Variants in TMEM131L observed in about 807,000 individuals in gnomAD.
TMEM131L encodes transmembrane 131 like, also known as transmembrane protein 131-like.
TMEM131L carries 54 observed loss-of-function variants against 192.2 expected under a neutral mutation model. The observed-to-expected ratio is 0.28, with a 90% CI of 0.23 to 0.35. TMEM131L has a LOEUF of 0.35. Ranked by LOEUF, TMEM131L falls within the 10% of genes least tolerant of loss-of-function variation. TMEM131L has a pLI of 1.00. For missense variants in TMEM131L, 1,888 were observed against 1,972.9 expected (o/e 0.96, Z 0.82); for synonymous variants, 701 against 704.9 (o/e 0.99, Z 0.09).
intron 7 of TMEM131L, among the ~76,000 whole-genome samples, chr4:153,566,512 AGTGTGAGTGTGTGTGTGT>A (rs899087384): frequency 1.1e-4 from 13 of 113,418 alleles, no homozygotes; most frequent in African/African-American, 4.6e-4. Flanking sequence ...TTTGTGTGTG[AGTGTGAGTGTGTGTGTGT>A]GTGTGTGTGT....
chr4:153,466,529 T>G lies in TMEM131L; in HGVS notation c.124+8T>G. 7.5e-7 allele frequency: 1 copy of G among 1,341,936 alleles called. No individual in the cohort carries two copies. The highest frequency in any genetic ancestry group is 1.9e-5 in the South Asian group (1 of 53,682). The allele number at this position is 1,341,936 out of a possible 1,614,324, so 83.1% of individuals were successfully genotyped here. A position where few individuals can be genotyped will look rare whatever the true frequency, so the allele number is the denominator to read the frequency against. Reference sequence around the variant, plus strand: ...GAGGGGCTCAGGGACAAGGTCAGCCTTGCGCCGCTGGGCTCGCTCTGCCTC... The same window carrying G: ...GAGGGGCTCAGGGACAAGGTCAGCCGTGCGCCGCTGGGCTCGCTCTGCCTC... On this transcript the variant is annotated splice_region_variant and intron_variant, in intron 1 of 34. Coordinates refer to ENST00000409959, the MANE Select transcript of TMEM131L (RefSeq NM_001131007.2).
Position 153,618,476 on chromosome 4 carries a change from CA to C in TMEM131L, c.3568-2262del, listed in dbSNP as rs10669791. Among the ~76,000 whole-genome samples, 710 of 99,410 alleles carry C rather than the reference CA, an allele frequency of 7.1e-3. 4 individuals are homozygous for C. Among genetic ancestry groups the C allele is most frequent in the Middle Eastern group, 0.031 (6 of 194 alleles). The allele number at this position is 99,410 out of a possible 152,430, so 65.2% of individuals were successfully genotyped here. A position where few individuals can be genotyped will look rare whatever the true frequency, so the allele number is the denominator to read the frequency against. The stretch of plus-strand genomic sequence containing the variant: ...GAGCAACAGAGCAAGACCCTGTCTC[CA>C]AAAAAAAAAAAAAAAAACCCACCAA... On this transcript the variant is annotated intron_variant, in intron 26 of 34. Transcript: ENST00000409959.
At chr4:153,492,383 C>T (rs1406479068) in intron 3 of TMEM131L, among the ~76,000 whole-genome samples, 1 of 152,110 alleles carries the variant, frequency 6.6e-6, no homozygotes, top group African/African-American at 2.4e-5. Context: ...TTAGCTAAAC[C>T]TTATCCAAAT....
At position 153,632,747 on chromosome 4, in the gene TMEM131L, A is replaced by G. The variant is rs775941988; in HGVS notation, c.4237A>G (p.Thr1413Ala). The G allele has an allele frequency of 1.1e-4, 177 of 1,613,734 alleles. No individual in the cohort carries two copies. The highest frequency in any genetic ancestry group is 1.5e-4 in the Non-Finnish European group (176 of 1,179,970). Residue 1413 changes from threonine (T) to alanine (A), a missense_variant, in exon 32 of 35, where the codon ACT (threonine) becomes GCT (alanine). By Grantham distance (58) the Thr-to-Ala change is moderately conservative. Coordinates refer to ENST00000409959, the MANE Select transcript of TMEM131L (RefSeq NM_001131007.2). ...TTACTCACCTGGAGACCTGTGGCCC[A>G]CTCCGCCAGTGTGTGTGACAAGCAG... ...GLYSPGDLWPTPPVCVTSSLN... is the reference protein window; with the variant it reads ...GLYSPGDLWPAPPVCVTSSLN...
chr4:153,528,596 T>A (rs902961824), intron 3 of TMEM131L, among the ~76,000 whole-genome samples: 2 of 152,076 alleles, frequency 1.3e-5, no homozygotes, highest in South Asian at 4.1e-4. Context: ...GCATTCTTTT[T>A]AATGTTTTTC....
chr4:153,614,139 T>A lies in TMEM131L; in HGVS notation c.3567+1739T>A, dbSNP rs113651958. ...AGCGGGCAGCACTGAGCCCTGCAGG[T>A]AGAGGAACCATTGAGGCATAATTGG... On this transcript the variant is annotated intron_variant, in intron 26 of 34. Coordinates refer to ENST00000409959, the MANE Select transcript of TMEM131L (RefSeq NM_001131007.2). Among the ~76,000 whole-genome samples the A allele has an allele frequency of 2.2e-4, 34 of 152,144 alleles. No individual in the cohort carries two copies. In the Middle Eastern group the frequency reaches 0.01, roughly 46 times the overall value.
rs1733094762 is a variant in TMEM131L at position 153,495,326 on chromosome 4, A to G, written c.239+21438A>G. On this transcript the variant is annotated intron_variant, in intron 3 of 34. Coordinates refer to ENST00000409959, the MANE Select transcript of TMEM131L (RefSeq NM_001131007.2). ...CAGAGTGAGAATCCGTCTGAAAACA[A>G]AAAAAAAAAACAAGTAAGTTAATTT... Among the ~76,000 whole-genome samples, 6 of 150,530 alleles carry G rather than the reference A, an allele frequency of 4.0e-5. No homozygotes were observed. In the South Asian group the frequency reaches 1.3e-3, roughly 31 times the overall value.
intron 7 of TMEM131L, among the ~76,000 whole-genome samples, chr4:153,560,463 T>G (rs1728776123): frequency 6.6e-6 from 1 of 152,262 alleles, no homozygotes; most frequent in Admixed American, 6.5e-5. Context: ...ATTTTTAAAA[T>G]GTATTTTGTA....
intron 3 of TMEM131L, among the ~76,000 whole-genome samples, chr4:153,545,626 G>A (rs1324710566): frequency 2.0e-5 from 3 of 151,840 alleles, no homozygotes; most frequent in Non-Finnish European, 4.4e-5. Context: ...AAAAAAATGT[G>A]GCCAAAGTTT....
chr4:153,467,088 T>C, intron 1 of TMEM131L, 123 bp from the exon 2 acceptor site: 1 of 960,728 alleles, frequency 1.0e-6, no homozygotes, highest in Non-Finnish European at 1.6e-6. Context: ...ATGGCCTCTG[T>C]TCCCAGGAGG....
In TMEM131L at chr4:153,602,181, A is replaced by G. The variant is rs1409270008; in HGVS notation, c.2296A>G (p.Ile766Val). Reference protein sequence around the residue: ...QLKDSKQILSITKNFKVENIG... With the variant: ...QLKDSKQILSVTKNFKVENIG... ...GAAAGACAGTAAGCAAATTTTATCT[A>G]TTACAAAGAACTTTAAAGTTGAGAA... The change falls in exon 22 of 35, where the codon ATT (isoleucine) becomes GTT (valine). Residue 766 changes from isoleucine to valine, a missense_variant. By Grantham distance (29) the Ile-to-Val change is conservative (BLOSUM62 3). Transcript: ENST00000409959. 5.0e-6 allele frequency: 8 copies of G among 1,603,876 alleles called. No individual in the cohort carries two copies. The highest frequency in any genetic ancestry group is 4.5e-5 in the East Asian group (2 of 44,732).
chr4:153,616,137 A>T (rs758676831), intron 26 of TMEM131L, among the ~76,000 whole-genome samples: 69 of 152,080 alleles, frequency 4.5e-4, no homozygotes, highest in Admixed American at 3.3e-4. Flanking sequence ...TAATGGTGGC[A>T]TTGGGTTCAC....
intron 16 of TMEM131L, 95 bp from the exon 17 acceptor site, chr4:153,590,958 G>A: frequency 5.1e-6 from 4 of 791,030 alleles, no homozygotes; most frequent in Non-Finnish European, 5.3e-6. Context: ...AGTGGGAATA[G>A]TATTTAGTGA....
chr4:153,516,335 T>TGGG (rs1734729410), intron 3 of TMEM131L, among the ~76,000 whole-genome samples: 1 of 152,076 alleles, frequency 6.6e-6, no homozygotes, highest in Non-Finnish European at 1.5e-5. Context: ...GCTCAAGCGA[T>TGGG]CCTCCCACCT....
At chr4:153,603,072 A>T (rs1161442882) in intron 23 of TMEM131L, among the ~76,000 whole-genome samples, 2 of 152,184 alleles carry the variant, frequency 1.3e-5, no homozygotes, top group Admixed American at 6.5e-5. Flanking sequence ...TTTTTGAGTG[A>T]TTTCATAAAA....
At chr4:153,474,947 G>C (rs10004814) in intron 3 of TMEM131L, among the ~76,000 whole-genome samples, 1 of 152,112 alleles carries the variant, frequency 6.6e-6, no homozygotes, top group Non-Finnish European at 1.5e-5. Context: ...CACTCTAAGT[G>C]GTGTATAAGT....
Position 153,588,987 on chromosome 4 carries a change from TA to T in TMEM131L, c.1655del (p.Asn552MetfsTer18). 1 of 1,585,148 alleles carries T rather than the reference TA, an allele frequency of 6.3e-7. No individual in the cohort carries two copies. On this transcript the variant is annotated frameshift_variant, in exon 16 of 35. Transcript: ENST00000409959. LOFTEE classifies it high-confidence loss of function. Reference sequence around the variant, plus strand: ...AATTGTATGAAAGATGGAAGAAATATAAAAATGGTGACGTCTGCAAGTACGT... The same window carrying T: ...AATTGTATGAAAGATGGAAGAAATATAAAATGGTGACGTCTGCAAGTACGT... ...NKLYERWKKY[K>X]NGDVCKRNVL...
At chr4:153,560,082 G>A (rs940600484) in intron 7 of TMEM131L, among the ~76,000 whole-genome samples, 12 of 152,098 alleles carry the variant, frequency 7.9e-5, no homozygotes, top group Non-Finnish European at 1.5e-4. Flanking sequence ...GCTCTTCAGG[G>A]ACTTTTGCGT....
intron 20 of TMEM131L, among the ~76,000 whole-genome samples, chr4:153,596,777 ATC>A (rs1184284026): frequency 6.6e-6 from 1 of 152,160 alleles, no homozygotes; most frequent in African/African-American, 2.4e-5. Flanking sequence ...TATCACTTTC[ATC>A]TCTTTTTTGC....
Sources: allele counts gnomAD v4.1 joint callset (sites outside exome capture counted in the v4.1 genomes callset), GRCh38; gene constraint gnomAD v4.1.1; transcripts MANE v1.5; gene names NCBI Gene and HGNC (gene_info 2026-07-23, HGNC 2026-07-21).